KHDRBS2: variants seen among roughly 807,000 people sequenced by gnomAD.
KHDRBS2 encodes KH RNA binding domain containing, signal transduction associated 2.
A neutral mutation model predicts 44.3 loss-of-function variants in KHDRBS2; 26 were observed. The observed-to-expected ratio is 0.59, with a 90% confidence interval of 0.43 to 0.81. KHDRBS2 has a LOEUF of 0.81. Among genes scored for constraint, KHDRBS2 ranks in the 40% least tolerant of loss-of-function variants. KHDRBS2 has a pLI of 0.00. For missense variants in KHDRBS2, 476 were observed against 433.1 expected, an observed-to-expected ratio of 1.10 and a Z score of -0.88; for synonymous variants, 194 against 151.1, an observed-to-expected ratio of 1.28 and a Z score of -2.08.
intron 3 of KHDRBS2, among the ~76,000 whole-genome samples, chr6:62,034,062 C>A (rs1253339442): frequency 1.3e-5 from 2 of 151,620 alleles, no homozygotes; most frequent in African/African-American, 2.4e-5. Flanking sequence ...ATTGGAAAAT[C>A]TAGAAGAAAT....
At chr6:62,162,101 A>T (rs1332678290) in intron 2 of KHDRBS2, among the ~76,000 whole-genome samples, 2 of 152,064 alleles carry the variant, frequency 1.3e-5, no homozygotes, top group Non-Finnish European at 1.5e-5. Context: ...TGTAGAAAAT[A>T]AAAAAATGGA....
chr6:62,132,542 T>G (rs1810568905), intron 2 of KHDRBS2, among the ~76,000 whole-genome samples: 1 of 152,184 alleles, frequency 6.6e-6, no homozygotes, highest in African/African-American at 2.4e-5. Context: ...TGGATTACAT[T>G]TAATCACCTG....
chr6:62,118,608 C>T (rs1184952712), intron 2 of KHDRBS2, among the ~76,000 whole-genome samples: 1 of 152,076 alleles, frequency 6.6e-6, no homozygotes, highest in African/African-American at 2.4e-5. Context: ...ATATTTGAGT[C>T]AGTGGACTAG....
At chr6:62,217,642 A>G (rs1830241521) in intron 1 of KHDRBS2, among the ~76,000 whole-genome samples, 1 of 151,908 alleles carries the variant, frequency 6.6e-6, no homozygotes, top group African/African-American at 2.4e-5. Context: ...TTCTTGAAAA[A>G]TGATCAACTG....
intron 4 of KHDRBS2, 57 bp from the exon 5 acceptor site, chr6:61,901,428 G>GC: frequency 7.9e-7 from 1 of 1,268,842 alleles, no homozygotes; most frequent in Non-Finnish European, 1.0e-6. Context: ...TCTCAGAGTT[G>GC]GAAAAAAAAA....
the KHDRBS2 span, among the ~76,000 whole-genome samples, chr6:61,579,683 G>A: frequency 6.6e-6 from 1 of 152,108 alleles, no homozygotes; most frequent in Admixed American, 6.6e-5. Flanking sequence ...TGAGAATTTG[G>A]CTTAACCCTG....
At chr6:62,181,966 C>T (rs1179046597) in intron 1 of KHDRBS2, among the ~76,000 whole-genome samples, 1 of 151,938 alleles carries the variant, frequency 6.6e-6, no homozygotes, top group Non-Finnish European at 1.5e-5. Context: ...ACTTCCTAAA[C>T]TTCAGAGCTA....
chr6:61,685,211 G>A (rs1365732964), intron 8 of KHDRBS2, among the ~76,000 whole-genome samples: 1 of 151,782 alleles, frequency 6.6e-6, no homozygotes, highest in African/African-American at 2.4e-5. Flanking sequence ...AATATACTTA[G>A]TAAGAACACA....
At chr6:62,118,674 G>A (rs1190110001) in intron 2 of KHDRBS2, among the ~76,000 whole-genome samples, 2 of 152,158 alleles carry the variant, frequency 1.3e-5, no homozygotes, top group East Asian at 1.9e-4. Context: ...CTGCCAGCAT[G>A]GCTAGGATAC....
At chr6:62,126,684 G>T (rs886284065) in intron 2 of KHDRBS2, among the ~76,000 whole-genome samples, 1 of 152,262 alleles carries the variant, frequency 6.6e-6, no homozygotes, top group East Asian at 1.9e-4. Flanking sequence ...GGTATATTTT[G>T]CCTCCTTCTT....
intron 6 of KHDRBS2, among the ~76,000 whole-genome samples, chr6:61,840,602 C>A (rs1793457495): frequency 6.6e-6 from 1 of 152,004 alleles, no homozygotes; most frequent in Non-Finnish European, 1.5e-5. Flanking sequence ...AAGACAAGGG[C>A]AACTATTGGT....
In KHDRBS2 at chr6:61,901,344, G is replaced by A; in HGVS notation, c.511C>T (p.Gln171Ter). Residue 171 changes from glutamine (Q) to a stop codon, truncating the protein, a stop_gained, in exon 5 of 9, where the codon CAA (glutamine) becomes TAA (stop). Coordinates refer to ENST00000281156, the MANE Select transcript of KHDRBS2 (RefSeq NM_152688.4). LOFTEE classifies it high-confidence loss of function. ...TTTAAGTAAGATAATTCACGTAGTT[G>A]TTCCTGACGAATTTCATCATTGTAG... ...PDYNDEIRQEQLRELSYLNGS... is the reference protein window; with the variant it reads ...PDYNDEIRQE The A allele has an allele frequency of 6.2e-7, 1 of 1,612,396 alleles. No homozygotes were observed. Among genetic ancestry groups the A allele is most frequent in the African/African-American group, 1.3e-5 (1 of 74,756 alleles).
chr6:62,134,925 G>C (rs1463586178), intron 2 of KHDRBS2, among the ~76,000 whole-genome samples: 2 of 152,098 alleles, frequency 1.3e-5, no homozygotes, highest in Non-Finnish European at 2.9e-5. Context: ...GAATTTACAG[G>C]CTCAGGCAGA....
At chr6:62,171,271 C>CA (rs1819943933) in intron 2 of KHDRBS2, among the ~76,000 whole-genome samples, 1 of 151,680 alleles carries the variant, frequency 6.6e-6, no homozygotes, top group South Asian at 2.1e-4. Context: ...AAATGGACTA[C>CA]AAAAATTTAA....
At chr6:62,231,233 C>T (rs1444227428) in intron 1 of KHDRBS2, among the ~76,000 whole-genome samples, 1 of 152,082 alleles carries the variant, frequency 6.6e-6, no homozygotes, top group African/African-American at 2.4e-5. Flanking sequence ...AAGAAAGACC[C>T]AAGGCTGGGT....
intron 3 of KHDRBS2, among the ~76,000 whole-genome samples, chr6:62,027,360 A>G (rs1188609444): frequency 6.6e-6 from 1 of 152,156 alleles, no homozygotes; most frequent in Non-Finnish European, 1.5e-5. Flanking sequence ...AGTAAGAAAT[A>G]TATATTTGAT....
intron 7 of KHDRBS2, among the ~76,000 whole-genome samples, chr6:61,713,695 C>T (rs1255823510): frequency 6.6e-6 from 1 of 150,676 alleles, no homozygotes; most frequent in African/African-American, 2.4e-5. Context: ...ACAATATACA[C>T]ATAGATCAAT....
chr6:62,063,049 G>A (rs932855469), intron 2 of KHDRBS2, among the ~76,000 whole-genome samples: 2 of 147,220 alleles, frequency 1.4e-5, no homozygotes, highest in Non-Finnish European at 3.0e-5. Flanking sequence ...TACATTCCTC[G>A]ACACATACAC....
chr6:61,891,615 T>A (rs1161054013), intron 6 of KHDRBS2, among the ~76,000 whole-genome samples: 1 of 152,174 alleles, frequency 6.6e-6, no homozygotes, highest in African/African-American at 2.4e-5. Context: ...TCAATAAACA[T>A]AACCCAGCAT....
Sources: gnomAD v4.1 joint callset for allele counts (sites outside exome capture counted in the v4.1 genomes callset) on GRCh38, gnomAD v4.1.1 for gene constraint, MANE v1.5 for transcripts, NCBI Gene and HGNC (gene_info 2026-07-23, HGNC 2026-07-21) for gene names.